Variants in FREM1 observed in about 807,000 individuals in gnomAD.
FREM1 encodes the protein FRAS1-related extracellular matrix protein 1.
Under a neutral mutation model 210.1 loss-of-function variants are expected in FREM1, and 220 were observed. That is an observed-to-expected ratio of 1.05 (90% CI 0.94 to 1.17). The LOEUF is 1.17. Ranked by LOEUF, FREM1 falls within the 50% of genes most tolerant of loss-of-function variation. The pLI, the probability that FREM1 is intolerant of heterozygous loss-of-function variation, is 0.00. For missense variants in FREM1, 3,454 were observed against 2,675.5 expected (o/e 1.29, Z -6.42); for synonymous variants, 1,189 against 980.2 (o/e 1.21, Z -3.98).
At chr9:14,781,854 C>T (rs1849686467) in intron 24 of FREM1, among the ~76,000 whole-genome samples, 1 of 152,204 alleles carries the variant, frequency 6.6e-6, no homozygotes, top group Non-Finnish European at 1.5e-5. Flanking sequence ...CAGGTGCCCG[C>T]CACCACTCCC....
chr9:14,851,735 A>C (rs1285016400), intron 5 of FREM1, 128 bp from the exon 6 acceptor site: 1 of 781,624 alleles, frequency 1.3e-6, no homozygotes, highest in Non-Finnish European at 2.2e-6. Context: ...GCCTGGCTGC[A>C]TATTGGAATC....
chr9:14,773,982 G>A, intron 25 of FREM1: 1 of 455,202 alleles, frequency 2.2e-6, no homozygotes, highest in Non-Finnish European at 4.3e-6. Flanking sequence ...GACACTAACA[G>A]ACTGAAAAGG....
At chr9:14,823,032 C>G (rs528587534) in intron 13 of FREM1, 128 bp downstream of exon 13, 1 of 597,994 alleles carries the variant, frequency 1.7e-6, no homozygotes. Context: ...TTTTACTACA[C>G]CATAGATGGA....
chr9:14,784,306 C>A, intron 24 of FREM1, 64 bp downstream of exon 24: 1 of 1,483,180 alleles, frequency 6.7e-7, no homozygotes, highest in Admixed American at 1.8e-5. Context: ...AGCACATTAA[C>A]AGATCTCCTT....
chr9:14,794,036 T>C (rs1409405912), intron 21 of FREM1, among the ~76,000 whole-genome samples: 1 of 151,810 alleles, frequency 6.6e-6, no homozygotes, highest in Non-Finnish European at 1.5e-5. Flanking sequence ...AGATGAAGAG[T>C]TTGGTAGGAA....
chr9:14,787,041 T>G (rs1850533659), intron 23 of FREM1, among the ~76,000 whole-genome samples: 1 of 152,152 alleles, frequency 6.6e-6, no homozygotes, highest in African/African-American at 2.4e-5. Flanking sequence ...TAAACTTATC[T>G]GAAAGATCTC....
Position 14,797,603 on chromosome 9 carries a change from A to C in FREM1, c.3734T>G (p.Leu1245Arg), listed in dbSNP as rs1852673687. The C allele has an allele frequency of 6.2e-7, 1 of 1,612,514 alleles. No individual in the cohort carries two copies. Among genetic ancestry groups the C allele is most frequent in the Non-Finnish European group, 8.5e-7 (1 of 1,178,982 alleles). ...LTYMHDDSES[L>R]ADDFTIQLSD... ...CAATTGGATTGTAAAATCATCAGCA[A>C]GGCTCTCTGAGTCATCATGCATGTA... The change falls in exon 21 of 37, where the codon CTT becomes CGT. Residue 1245 changes from leucine to arginine, a missense_variant. Physicochemically the swap from Leu to Arg is moderately radical, Grantham distance 102. Transcript: ENST00000380880.
At chr9:14,871,157 TG>T (rs1359123541) in intron 1 of FREM1, among the ~76,000 whole-genome samples, 1 of 152,220 alleles carries the variant, frequency 6.6e-6, no homozygotes. Flanking sequence ...TATAGTTCTT[TG>T]GGTATATACC....
intron 1 of FREM1, among the ~76,000 whole-genome samples, chr9:14,887,856 G>A (rs62537698): frequency 0.14 from 20,862 of 152,038 alleles, 1,830 homozygotes; most frequent in Middle Eastern, 0.22. Context: ...GGAGTGCAGT[G>A]GCACAATCTC....
intron 1 of FREM1, among the ~76,000 whole-genome samples, chr9:14,901,329 A>T (rs912064239): frequency 1.3e-5 from 2 of 152,192 alleles, no homozygotes; most frequent in African/African-American, 4.8e-5. Context: ...ATCATTCTAT[A>T]AGTGTAATTC....
chr9:14,737,664 T>C, intron 36 of FREM1, 69 bp from the exon 37 acceptor site: 4 of 1,169,418 alleles, frequency 3.4e-6, no homozygotes, highest in Admixed American at 3.1e-5. Context: ...TATCCAGCTG[T>C]TGCTCTAAGC....
intron 36 of FREM1, among the ~76,000 whole-genome samples, chr9:14,739,202 C>G (rs898624593): frequency 6.6e-5 from 10 of 151,214 alleles, no homozygotes; most frequent in African/African-American, 2.2e-4. Context: ...TTCCTAGCCT[C>G]AAGCACTCCT....
At chr9:14,760,602 G>C (rs1845310434) in intron 27 of FREM1, among the ~76,000 whole-genome samples, 1 of 152,104 alleles carries the variant, frequency 6.6e-6, no homozygotes, top group African/African-American at 2.4e-5. Flanking sequence ...TCTTCATCTA[G>C]AGAGGAACAT....
intron 25 of FREM1, among the ~76,000 whole-genome samples, chr9:14,773,505 T>C (rs1847973869): frequency 6.6e-6 from 1 of 152,166 alleles, no homozygotes; most frequent in African/African-American, 2.4e-5. Flanking sequence ...GTCAGTCACT[T>C]TCTAAAGCCT....
chr9:14,882,940 T>G (rs1382826233), intron 1 of FREM1, among the ~76,000 whole-genome samples: 1 of 36,426 alleles, frequency 2.7e-5, no homozygotes, highest in Non-Finnish European at 5.9e-5. Context: ...GAATCACCCA[T>G]CTTGCCTCCA....
rs765862600 is a variant in FREM1, at chr9:14,776,136, T to C, written c.4510A>G (p.Arg1504Gly). The C allele has an allele frequency of 3.8e-6, 6 of 1,582,406 alleles. No individual in the cohort carries two copies. Among genetic ancestry groups the C allele is most frequent in the Middle Eastern group, 1.7e-4 (1 of 5,898 alleles). The change falls in exon 25 of 37, where the codon AGA (arginine) becomes GGA (glycine). Residue 1504 changes from arginine (R) to glycine (G), a missense_variant. Transcript: ENST00000380880. ...VFEITLETVD[R>G]ALPVVTRNKG... is the part of the protein sequence containing the mutation. ...TTCCTGGTTACCACAGGCAGGGCTCTGTCCACAGTCTCCAGTGTGATCTCA... is the reference window on the plus strand; with the variant it reads ...TTCCTGGTTACCACAGGCAGGGCTCCGTCCACAGTCTCCAGTGTGATCTCA...
intron 1 of FREM1, among the ~76,000 whole-genome samples, chr9:14,897,073 A>G (rs1837871946): frequency 6.6e-6 from 1 of 152,210 alleles, no homozygotes; most frequent in Non-Finnish European, 1.5e-5. Context: ...AAAAAGTGCC[A>G]TGTTATTGGA....
intron 1 of FREM1, among the ~76,000 whole-genome samples, chr9:14,891,672 C>T (rs10810285): frequency 0.15 from 23,539 of 152,048 alleles, 2,129 homozygotes; most frequent in East Asian, 0.45. Context: ...GCCTAGGGTA[C>T]GCTTCCCAGA....
chr9:14,747,026 T>G lies in FREM1; in HGVS notation c.6035A>C (p.Asn2012Thr). ...RQDQLPSFPK[N>T]CTLELKGLFH... ...GAGTCCCTTTAATTCCAGAGTGCAG[T>G]TCTTTGGAAATGAGGGCAACTGGTC... Residue 2012 changes from asparagine (N) to threonine (T), a missense_variant, in exon 34 of 37, where the codon AAC becomes ACC. Asn to Thr is a moderately conservative substitution (Grantham distance 65). Transcript: ENST00000380880. 1 of 1,613,236 alleles carries G rather than the reference T, an allele frequency of 6.2e-7. No individual in the cohort carries two copies. The highest frequency in any genetic ancestry group is 1.1e-5 in the South Asian group (1 of 90,930).
Sources: gnomAD v4.1 joint callset for allele counts (sites outside exome capture counted in the v4.1 genomes callset) on GRCh38, gnomAD v4.1.1 for gene constraint, MANE v1.5 for transcripts, NCBI Gene and HGNC (gene_info 2026-07-23, HGNC 2026-07-21) for gene names.